Variants in TTF1 observed in about 807,000 individuals in gnomAD.
TTF1 encodes transcription termination factor, RNA polymerase I.
In TTF1, 64 loss-of-function variants were observed where a neutral mutation model predicts 80.2. The ratio of observed to expected loss-of-function variants is 0.80; its 90% CI spans 0.65 to 0.98. TTF1 has a LOEUF of 0.98. Among genes scored for constraint, TTF1 ranks in the 50% least tolerant of loss-of-function variants. The probability of loss-of-function intolerance (pLI) is 0.00; values close to 1 mark genes in which losing one functional copy is unlikely to be tolerated. For synonymous variants in TTF1, 372 were observed against 382.7 expected, an observed-to-expected ratio of 0.97 and a Z score of 0.33; for missense variants, 1,023 against 1,086.2, an observed-to-expected ratio of 0.94 and a Z score of 0.82.
intron 7 of TTF1, among the ~76,000 whole-genome samples, chr9:132,389,037 C>T (rs1312121785): frequency 6.6e-6 from 1 of 152,116 alleles, no homozygotes; most frequent in African/African-American, 2.4e-5. Flanking sequence ...TTTAAGTTTC[C>T]TATTTTTATC....
At chr9:132,378,940 C>T in intron 10 of TTF1, 119 bp downstream of exon 10, 1 of 670,000 alleles carries the variant, frequency 1.5e-6, no homozygotes, top group Non-Finnish European at 2.5e-6. Context: ...CTGTTTCCAC[C>T]ATTTTGCAGC....
intron 5 of TTF1, 45 bp from the exon 6 acceptor site, chr9:132,392,251 G>C (rs778250735): frequency 6.2e-7 from 1 of 1,610,088 alleles, no homozygotes; most frequent in Non-Finnish European, 8.5e-7. Context: ...CGAACTATCA[G>C]ATTAAAAATG....
chr9:132,402,057 AGGCT>A lies in TTF1; in HGVS notation c.761_764del (p.Gln254LeufsTer13). 6.2e-7 allele frequency: 1 copy of A among 1,614,028 alleles called. No individual in the cohort carries two copies. The highest frequency in any genetic ancestry group is 8.5e-7 in the Non-Finnish European group (1 of 1,180,016). ...GAGTTTCATCATCCAAGCCCACAGT[AGGCT>A]GGGATTCCTGCATATCAGTCCCGGC... is the stretch of plus-strand genomic sequence containing the variant. On this transcript the variant is annotated frameshift_variant, in exon 2 of 11. Transcript: ENST00000334270. LOFTEE classifies it high-confidence loss of function.
chr9:132,403,138 C>T (rs1052163703), intron 1 of TTF1, among the ~76,000 whole-genome samples: 3 of 152,172 alleles, frequency 2.0e-5, no homozygotes, highest in African/African-American at 4.8e-5. Context: ...GGATTACAGG[C>T]GTCAGCCACC....
intron 9 of TTF1, among the ~76,000 whole-genome samples, chr9:132,382,679 C>G (rs1346852905): frequency 6.6e-6 from 1 of 151,354 alleles, no homozygotes. Flanking sequence ...CGTCTGTAAT[C>G]CCAGCACTTT....
In TTF1 at chr9:132,378,309, G is replaced by C. The variant is rs549791472; in HGVS notation, c.2464+750C>G. 8.9e-5 allele frequency among the ~76,000 whole-genome samples: 13 copies of C among 146,088 alleles called. No individual in the cohort carries two copies. The South Asian group carries it at 2.9e-3, about 32-fold the overall frequency. The stretch of plus-strand genomic sequence containing the variant: ...CATGTGGTGAGTGCATGTGGTGTGT[G>C]TGAGTGCATGTGGTGTGTGTGTGAA... On this transcript the variant is annotated intron_variant, in intron 10 of 10. Transcript: ENST00000334270.
At chr9:132,396,244 G>A (rs1442468454) in intron 5 of TTF1, among the ~76,000 whole-genome samples, 189 bp downstream of exon 5, 4 of 152,170 alleles carry the variant, frequency 2.6e-5, no homozygotes, top group Admixed American at 2.6e-4. Flanking sequence ...GGTCACCACA[G>A]CTTCACTAAA....
chr9:132,403,095 A>G (rs501642), intron 1 of TTF1, among the ~76,000 whole-genome samples: 115,727 of 152,100 alleles, frequency 0.76, 45,158 homozygotes, highest in Non-Finnish European at 0.86. Context: ...TCCTGACCTC[A>G]TGATCCGCCC....
chr9:132,382,883 T>C (rs1460902229), intron 9 of TTF1, among the ~76,000 whole-genome samples: 2 of 151,532 alleles, frequency 1.3e-5, no homozygotes, highest in Non-Finnish European at 2.9e-5. Context: ...CTGGCCAACA[T>C]GGTGAAACCT....
rs1589828393 is a variant in TTF1, at chr9:132,402,534, C to T, written c.288G>A (p.Val96=). Residue 96 remains valine, a synonymous_variant, in exon 2 of 11, where the codon GTG becomes GTA. Transcript: ENST00000334270. ...RKKRRYSALE[V]DEEAGVTVVL... Reference sequence around the variant, plus strand: ...CAACTGTAACACCTGCTTCCTCGTCCACCTCCAAAGCACTATATCTTCTCT... The same window carrying T: ...CAACTGTAACACCTGCTTCCTCGTCTACCTCCAAAGCACTATATCTTCTCT... The T allele has an allele frequency of 1.2e-6, 2 of 1,614,070 alleles. No individual in the cohort carries two copies. Among genetic ancestry groups the T allele is most frequent in the African/African-American group, 1.3e-5 (1 of 74,928 alleles).
chr9:132,389,039 A>G lies in TTF1; in HGVS notation c.2223-811T>C, dbSNP rs540434070. Among the ~76,000 whole-genome samples the G allele has an allele frequency of 2.0e-5, 3 of 152,256 alleles. No individual in the cohort carries two copies. In the East Asian group the frequency reaches 5.8e-4, roughly 29 times the overall value. ...TAAACGTTCAGAGTTTAAGTTTCCT[A>G]TTTTTATCTCAAATTAATAGCTAAA... On this transcript the variant is annotated intron_variant, in intron 7 of 10. Coordinates refer to ENST00000334270, the MANE Select transcript of TTF1 (RefSeq NM_007344.4).
At chr9:132,394,382 C>T (rs1849609238) in intron 5 of TTF1, among the ~76,000 whole-genome samples, 1 of 150,514 alleles carries the variant, frequency 6.6e-6, no homozygotes, top group Admixed American at 6.6e-5. Flanking sequence ...CAGGTTCAAG[C>T]AATCTTCCTG....
chr9:132,385,507 G>C (rs916496113), intron 9 of TTF1, among the ~76,000 whole-genome samples: 4 of 152,124 alleles, frequency 2.6e-5, no homozygotes, highest in African/African-American at 9.7e-5. Flanking sequence ...ACTGTTCTGG[G>C]CCACCTGGTC....
chr9:132,396,881 C>A (rs1564188955), intron 4 of TTF1, among the ~76,000 whole-genome samples: 1 of 151,956 alleles, frequency 6.6e-6, no homozygotes, highest in Admixed American at 6.6e-5. Context: ...TGAAACCAGG[C>A]TGTTTCATTT....
chr9:132,403,149 G>A (rs1482025871), intron 1 of TTF1, among the ~76,000 whole-genome samples: 3 of 152,244 alleles, frequency 2.0e-5, no homozygotes, highest in South Asian at 2.1e-4. Context: ...GTCAGCCACC[G>A]TGCCTGGCCT....
rs137875662 is a variant in TTF1 at position 132,404,741 on chromosome 9, G to T, written c.-7-1913C>A. On this transcript the variant is annotated intron_variant, in intron 1 of 10. Coordinates refer to ENST00000334270, the MANE Select transcript of TTF1 (RefSeq NM_007344.4). ...TCATCCACTTATTAACCCACATCCT[G>T]GTAGCTCCCACCCCACTACTCCACT... is the stretch of plus-strand genomic sequence containing the variant. Among the ~76,000 whole-genome samples, 476 of 152,074 alleles carry T rather than the reference G, an allele frequency of 3.1e-3. 2 individuals carry two copies. Among genetic ancestry groups the T allele is most frequent in the African/African-American group, 0.011 (462 of 41,476 alleles).
chr9:132,383,955 G>A (rs770238782), intron 9 of TTF1, among the ~76,000 whole-genome samples: 1 of 152,144 alleles, frequency 6.6e-6, no homozygotes, highest in Non-Finnish European at 1.5e-5. Flanking sequence ...CAGTTACTCT[G>A]TATACAAGTC....
chr9:132,381,582 A>C (rs983716639), intron 9 of TTF1, among the ~76,000 whole-genome samples: 8 of 152,172 alleles, frequency 5.3e-5, no homozygotes, highest in Non-Finnish European at 5.9e-5. Flanking sequence ...GGTGCACATC[A>C]GCGTCACCTC....
chr9:132,402,682 G>A lies in TTF1; in HGVS notation c.140C>T (p.Ser47Phe). The change falls in exon 2 of 11, where the codon TCT (serine) becomes TTT (phenylalanine). Residue 47 changes from serine (S) to phenylalanine (F), a missense_variant. Physicochemically the swap from Ser to Phe is radical, Grantham distance 155 (BLOSUM62 -2). Transcript: ENST00000334270. ...FRDSSLVNEQ[S>F]QITRRKKRKK... The stretch of plus-strand genomic sequence containing the variant: ...CCTCTTTTTCCTCCTAGTTATTTGA[G>A]ACTGTTCATTCACCAGGGAGGAGTC... The A allele has an allele frequency of 6.2e-7, 1 of 1,614,090 alleles. No individual in the cohort carries two copies. Among genetic ancestry groups the A allele is most frequent in the Non-Finnish European group, 8.5e-7 (1 of 1,180,034 alleles).
Sources: allele counts gnomAD v4.1 joint callset (sites outside exome capture counted in the v4.1 genomes callset), GRCh38; gene constraint gnomAD v4.1.1; transcripts MANE v1.5; gene names NCBI Gene and HGNC (gene_info 2026-07-23, HGNC 2026-07-21).